The following RCHY1 variants were observed in gnomAD, a reference collection of about 807,000 sequenced individuals.
The protein encoded by RCHY1 is RING finger and CHY zinc finger domain-containing protein 1.
Under a neutral mutation model 41.6 loss-of-function variants are expected in RCHY1, and 21 were observed. The observed-to-expected ratio is 0.51, with a 90% CI of 0.36 to 0.73. RCHY1 has a LOEUF of 0.73. Ranked by LOEUF, RCHY1 falls within the 30% of genes least tolerant of loss-of-function variation. The pLI, the probability that RCHY1 is intolerant of heterozygous loss-of-function variation, is 0.00. For missense variants in RCHY1, 265 were observed against 325.3 expected (o/e 0.81, Z 1.43); for synonymous variants, 79 against 102.9 (o/e 0.77, Z 1.41).
In RCHY1 at chr4:75,482,424, A is replaced by G; in HGVS notation, c.*114T>C. 2.3e-6 allele frequency: 2 copies of G among 870,260 alleles called. No homozygotes were observed. Among genetic ancestry groups the G allele is most frequent in the Non-Finnish European group, 3.3e-6 (2 of 605,434 alleles). The allele number at this position is 870,260 out of a possible 1,614,324, so 53.9% of individuals were successfully genotyped here. On this transcript the variant is annotated 3_prime_UTR_variant, in exon 9 of 9. Coordinates refer to ENST00000324439, the MANE Select transcript of RCHY1 (RefSeq NM_015436.4). ...TAATATGATTTTATGCTGTGACACTAGTACAAAACACATCAACTCTAATGC... is the reference window on the plus strand; with the variant it reads ...TAATATGATTTTATGCTGTGACACTGGTACAAAACACATCAACTCTAATGC...
At chr4:75,483,079 G>A (rs1423815637) in intron 8 of RCHY1, among the ~76,000 whole-genome samples, 1 of 151,934 alleles carries the variant, frequency 6.6e-6, no homozygotes, top group Non-Finnish European at 1.5e-5. Flanking sequence ...TAATATTTTT[G>A]CTTATTTTTT....
intron 3 of RCHY1, among the ~76,000 whole-genome samples, chr4:75,496,981 T>C (rs974447962): frequency 3.9e-5 from 6 of 152,058 alleles, no homozygotes; most frequent in African/African-American, 1.2e-4. Context: ...ATTAAAAAAG[T>C]ATTAAATATG....
intron 3 of RCHY1, among the ~76,000 whole-genome samples, chr4:75,503,683 C>T (rs1328091921): frequency 6.6e-6 from 1 of 151,292 alleles, no homozygotes; most frequent in Non-Finnish European, 1.5e-5. Context: ...CAGAGTGGGA[C>T]TCCATCTCAA....
intron 3 of RCHY1, among the ~76,000 whole-genome samples, chr4:75,503,836 C>T (rs1195008293): frequency 6.6e-6 from 1 of 152,074 alleles, no homozygotes; most frequent in South Asian, 2.1e-4. Flanking sequence ...TCTTTTATGA[C>T]GTTTGTACAC....
intron 3 of RCHY1, among the ~76,000 whole-genome samples, chr4:75,495,581 A>G (rs1723124449): frequency 6.6e-6 from 1 of 152,076 alleles, no homozygotes; most frequent in South Asian, 2.1e-4. Context: ...GCCTTTCTAC[A>G]GACCAGAATA....
chr4:75,502,127 CT>C (rs1386016100), intron 3 of RCHY1, among the ~76,000 whole-genome samples: 1 of 151,970 alleles, frequency 6.6e-6, no homozygotes, highest in Admixed American at 6.5e-5. Flanking sequence ...TTTAACAAAG[CT>C]TTTATGACTG....
chr4:75,502,138 G>A (rs1409475539), intron 3 of RCHY1, among the ~76,000 whole-genome samples: 1 of 151,888 alleles, frequency 6.6e-6, no homozygotes, highest in Non-Finnish European at 1.5e-5. Context: ...TTTTATGACT[G>A]CAAAAGCCTT....
chr4:75,490,510 T>A, intron 8 of RCHY1, 71 bp downstream of exon 8: 1 of 1,320,938 alleles, frequency 7.6e-7, no homozygotes, highest in Non-Finnish European at 1.0e-6. Flanking sequence ...TTTTGGCAAA[T>A]TCAAGCAGGA....
Position 75,494,151 on chromosome 4 carries a change from A to G in RCHY1, c.355T>C (p.Cys119Arg), listed in dbSNP as rs767966826. The part of the protein sequence containing the change: ...RIGPKEDFFH[C>R]LKCNLCLAMN... ...GCTAGGCATAAGTTACATTTCAAAC[A>G]ATGGAAAAAATCTTCCTTTGGACCA... Residue 119 changes from cysteine (C) to arginine (R), a missense_variant, in exon 4 of 9, where the codon TGT (cysteine) becomes CGT (arginine). Coordinates refer to ENST00000324439, the MANE Select transcript of RCHY1 (RefSeq NM_015436.4). The G allele has an allele frequency of 6.4e-7, 1 of 1,566,966 alleles. No homozygotes were observed. Among genetic ancestry groups the G allele is most frequent in the Non-Finnish European group, 8.6e-7 (1 of 1,163,086 alleles).
chr4:75,503,707 A>T (rs7661260), intron 3 of RCHY1, among the ~76,000 whole-genome samples: 86,727 of 150,234 alleles, frequency 0.58, 26,084 homozygotes, highest in African/African-American at 0.77. Flanking sequence ...AAAATTAATT[A>T]AAAAAAAAAA....
chr4:75,504,543 T>C (rs1316265722), intron 3 of RCHY1, among the ~76,000 whole-genome samples: 1 of 152,216 alleles, frequency 6.6e-6, no homozygotes, highest in Non-Finnish European at 1.5e-5. Flanking sequence ...TATGTATTAA[T>C]TGGCTATTTG....
chr4:75,487,670 ATATATTCATAAT>A (rs1560513081), intron 8 of RCHY1, among the ~76,000 whole-genome samples: 1 of 78,240 alleles, frequency 1.3e-5, no homozygotes, highest in African/African-American at 6.3e-5. Flanking sequence ...ATATATTCAT[ATATATTCATAAT>A]ATATATATTC....
intron 3 of RCHY1, among the ~76,000 whole-genome samples, chr4:75,498,633 T>G (rs1433121995): frequency 1.3e-5 from 2 of 152,076 alleles, no homozygotes; most frequent in African/African-American, 4.8e-5. Flanking sequence ...CATATAAATG[T>G]ATGCATTTAC....
chr4:75,484,658 T>C (rs1721831447), intron 8 of RCHY1, among the ~76,000 whole-genome samples: 1 of 152,196 alleles, frequency 6.6e-6, no homozygotes, highest in South Asian at 2.1e-4. Context: ...GCAATCTACC[T>C]TCTGGCTCTG....
intron 8 of RCHY1, among the ~76,000 whole-genome samples, chr4:75,489,601 G>A (rs1433941376): frequency 2.0e-5 from 3 of 152,170 alleles, no homozygotes; most frequent in African/African-American, 7.2e-5. Flanking sequence ...AACGTAAGTT[G>A]ACCCCTTACG....
chr4:75,492,232 A>C (rs1722818243), intron 4 of RCHY1, among the ~76,000 whole-genome samples: 1 of 151,986 alleles, frequency 6.6e-6, no homozygotes. Context: ...TCCAAAGATA[A>C]TAAGATTTGG....
intron 8 of RCHY1, among the ~76,000 whole-genome samples, chr4:75,486,751 C>T (rs1051819663): frequency 3.9e-5 from 6 of 152,074 alleles, no homozygotes; most frequent in African/African-American, 1.2e-4. Flanking sequence ...GAGGCCAAGG[C>T]GGGTAGATCA....
chr4:75,497,434 T>C (rs1389814689), intron 3 of RCHY1, among the ~76,000 whole-genome samples: 1 of 152,156 alleles, frequency 6.6e-6, no homozygotes, highest in Admixed American at 6.6e-5. Flanking sequence ...CTGTAACCAA[T>C]CCAGCTGTTT....
intron 2 of RCHY1, 70 bp from the exon 3 acceptor site, chr4:75,509,005 C>CTT (rs1249114310): frequency 8.0e-7 from 1 of 1,247,342 alleles, no homozygotes; most frequent in Non-Finnish European, 1.1e-6. Context: ...ATATCTAGAA[C>CTT]TTATGTTCAA....
Sources: allele counts gnomAD v4.1 joint callset (sites outside exome capture counted in the v4.1 genomes callset), GRCh38; gene constraint gnomAD v4.1.1; transcripts MANE v1.5; gene names NCBI Gene and HGNC (gene_info 2026-07-23, HGNC 2026-07-21).